The following CHRM5 variants were observed in gnomAD, a reference collection of about 807,000 sequenced individuals.
CHRM5 encodes the protein cholinergic receptor muscarinic 5, also known as muscarinic acetylcholine receptor M5.
In CHRM5, 18 loss-of-function variants were observed where a neutral mutation model predicts 39.0. The observed-to-expected ratio is 0.46, with a 90% CI of 0.32 to 0.68. The LOEUF (loss-of-function observed/expected upper bound fraction) is 0.68, where lower values mean the gene tolerates loss of function less well. CHRM5 is among the 30% of genes least tolerant of loss of function. CHRM5 has a pLI of 0.04. For missense variants in CHRM5, 515 were observed against 651.1 expected (o/e 0.79, Z 2.28); for synonymous variants, 241 against 246.3 (o/e 0.98, Z 0.20).
chr15:33,974,346 C>G (rs1172086883), intron 1 of CHRM5, among the ~76,000 whole-genome samples: 1 of 152,230 alleles, frequency 6.6e-6, no homozygotes, highest in Non-Finnish European at 1.5e-5. Flanking sequence ...CCCTCTCCCT[C>G]TTTCACTCTC....
chr15:33,993,298 G>T (rs1170413535), intron 1 of CHRM5, among the ~76,000 whole-genome samples: 2 of 152,190 alleles, frequency 1.3e-5, no homozygotes, highest in Non-Finnish European at 2.9e-5. Context: ...CCAAAGGCAT[G>T]ATTATCTCTT....
rs1157850528 is a variant in CHRM5, at chr15:34,065,095, G to C, written c.*779G>C. ...AAGATGGATCAAGTCTCCACAGTCA[G>C]TTATTTTAGTTTTTGCCAGTGGAAA... is the stretch of plus-strand genomic sequence containing the variant. On this transcript the variant is annotated 3_prime_UTR_variant, in exon 3 of 3. Coordinates refer to ENST00000383263, the MANE Select transcript of CHRM5 (RefSeq NM_012125.4). 1 of 165,796 alleles carries C rather than the reference G, an allele frequency of 6.0e-6. No individual in the cohort carries two copies. The highest frequency in any genetic ancestry group is 1.5e-5 in the Non-Finnish European group (1 of 68,116). The allele number at this position is 165,796 out of a possible 1,614,324, so 10.3% of individuals were successfully genotyped here.
intron 1 of CHRM5, among the ~76,000 whole-genome samples, chr15:34,044,776 C>T (rs1303854138): frequency 6.6e-6 from 1 of 152,138 alleles, no homozygotes; most frequent in Non-Finnish European, 1.5e-5. Flanking sequence ...TTTGGCTGGG[C>T]GCGGTGGCTC....
At chr15:34,004,842 CAG>C (rs1240248905) in intron 1 of CHRM5, among the ~76,000 whole-genome samples, 1 of 151,790 alleles carries the variant, frequency 6.6e-6, no homozygotes, top group African/African-American at 2.4e-5. Flanking sequence ...ATTTTTAAAA[CAG>C]AGATGCATGT....
chr15:34,001,178 G>A (rs1295919067), intron 1 of CHRM5, among the ~76,000 whole-genome samples: 2 of 151,884 alleles, frequency 1.3e-5, no homozygotes, highest in African/African-American at 2.4e-5. Context: ...CCGCCACCAC[G>A]CCCAGCTAAT....
At chr15:34,047,279 G>A (rs997044243) in intron 2 of CHRM5, among the ~76,000 whole-genome samples, 1 of 152,062 alleles carries the variant, frequency 6.6e-6, no homozygotes, top group African/African-American at 2.4e-5. Flanking sequence ...GGGTTTCACC[G>A]TGTTAGCCAG....
chr15:33,989,178 G>A (rs568229), intron 1 of CHRM5, among the ~76,000 whole-genome samples: 141,695 of 152,138 alleles, frequency 0.93, 66,664 homozygotes, highest in Non-Finnish European at 1. Flanking sequence ...TAAAAGAGAA[G>A]ATGAGTTAAT....
chr15:33,978,489 C>T (rs778019737), intron 1 of CHRM5, among the ~76,000 whole-genome samples: 1 of 152,058 alleles, frequency 6.6e-6, no homozygotes, highest in Non-Finnish European at 1.5e-5. Context: ...CATGGTGAAA[C>T]CCTGTCTCTA....
intron 1 of CHRM5, among the ~76,000 whole-genome samples, chr15:34,019,964 TACA>T (rs1255966377): frequency 2.6e-5 from 4 of 152,232 alleles, no homozygotes; most frequent in African/African-American, 4.8e-5. Context: ...TTTTAATGCA[TACA>T]ACAAGTTCAA....
chr15:34,038,997 C>A (rs1263560891), intron 1 of CHRM5: 2 of 1,119,300 alleles, frequency 1.8e-6, no homozygotes, highest in African/African-American at 1.7e-5. Flanking sequence ...AGGCCGGCCG[C>A]GGCCTGGCCG....
intron 1 of CHRM5, among the ~76,000 whole-genome samples, chr15:34,023,724 G>A (rs938058730): frequency 8.5e-5 from 13 of 152,174 alleles, no homozygotes; most frequent in African/African-American, 3.1e-4. Context: ...AAAAGGCCAG[G>A]TGAGCAGTTA....
chr15:34,063,619 C>A lies in CHRM5; in HGVS notation c.902C>A (p.Thr301Asn). ...AATTGGGCCAAAGCTGAGCAGCTCACCACCTGTAGCAGCTACCCTTCCTCA... is the reference window on the plus strand; with the variant it reads ...AATTGGGCCAAAGCTGAGCAGCTCAACACCTGTAGCAGCTACCCTTCCTCA... Reference protein sequence around the residue: ...SANWAKAEQLTTCSSYPSSED... With the variant: ...SANWAKAEQLNTCSSYPSSED... The change falls in exon 3 of 3, where the codon ACC (threonine) becomes AAC (asparagine). Residue 301 changes from threonine to asparagine, a missense_variant. Thr to Asn is a moderately conservative substitution (Grantham distance 65). Transcript: ENST00000383263. This position sits in a 1 kb window ranked among gnomAD's most constrained non-coding sequence, Gnocchi z 4.1. The A allele has an allele frequency of 6.2e-7, 1 of 1,614,034 alleles. No homozygotes were observed. Among genetic ancestry groups the A allele is most frequent in the Non-Finnish European group, 8.5e-7 (1 of 1,180,022 alleles).
At chr15:34,008,983 C>G (rs627590) in intron 1 of CHRM5, among the ~76,000 whole-genome samples, 142,712 of 151,874 alleles carry the variant, frequency 0.94, 67,675 homozygotes, top group East Asian at 1. Flanking sequence ...CACAGACCAT[C>G]GAGAAAACAC....
intron 2 of CHRM5, among the ~76,000 whole-genome samples, chr15:34,054,788 C>T (rs915833806): frequency 5.3e-5 from 8 of 152,154 alleles, no homozygotes; most frequent in Non-Finnish European, 7.4e-5. Flanking sequence ...CCCTGGCACA[C>T]GTTTACCTAT....
intron 2 of CHRM5, among the ~76,000 whole-genome samples, chr15:34,060,099 T>G (rs912939035): frequency 6.6e-6 from 1 of 152,190 alleles, no homozygotes; most frequent in African/African-American, 2.4e-5. Context: ...TGCCTAGAGA[T>G]TTGTAGAGTG....
chr15:34,016,182 C>T (rs1897902036), intron 1 of CHRM5, among the ~76,000 whole-genome samples: 1 of 152,096 alleles, frequency 6.6e-6, no homozygotes, highest in Non-Finnish European at 1.5e-5. Flanking sequence ...TACAGTGAGC[C>T]AAGATCGTGC....
In CHRM5 at chr15:34,062,643, A is replaced by G. The variant is rs1900380589; in HGVS notation, c.-75A>G. The G allele has an allele frequency of 3.6e-6, 5 of 1,406,466 alleles. No individual in the cohort carries two copies. Among genetic ancestry groups the G allele is most frequent in the Non-Finnish European group, 4.9e-6 (5 of 1,028,822 alleles). The allele number at this position is 1,406,466 out of a possible 1,614,324, so 87.1% of individuals were successfully genotyped here. A position where few individuals can be genotyped will look rare whatever the true frequency, so the allele number is the denominator to read the frequency against. ...GCTAATGTGTTTCCCTCTCTTCCAG[A>G]TGCTGGCCAAGAAGAGCTGAAATAG... is the stretch of plus-strand genomic sequence containing the variant. On this transcript the variant is annotated splice_region_variant and 5_prime_UTR_variant, in exon 3 of 3. It removes an upstream start codon present in the reference 5' UTR. Transcript: ENST00000383263.
chr15:33,987,147 T>C (rs920219733), intron 1 of CHRM5, among the ~76,000 whole-genome samples: 3 of 152,212 alleles, frequency 2.0e-5, no homozygotes, highest in Non-Finnish European at 4.4e-5. Context: ...CTGAGACCAG[T>C]GCAGTATTCT....
intron 1 of CHRM5, among the ~76,000 whole-genome samples, chr15:34,028,090 C>T (rs1898579831): frequency 6.6e-6 from 1 of 152,184 alleles, no homozygotes; most frequent in Non-Finnish European, 1.5e-5. Context: ...GCATACCCCA[C>T]ACACAGAGAG....
Sources: allele counts gnomAD v4.1 joint callset (sites outside exome capture counted in the v4.1 genomes callset), GRCh38; gene constraint gnomAD v4.1.1; non-coding constraint Gnocchi (gnomAD v3.1); transcripts MANE v1.5; gene names NCBI Gene and HGNC (gene_info 2026-07-23, HGNC 2026-07-21).